Variants in PLOD2 observed in about 807,000 individuals in gnomAD.
PLOD2 encodes lysine hydroxylase 2.
Under a neutral mutation model 101.0 loss-of-function variants are expected in PLOD2, and 65 were observed. That is an observed-to-expected ratio of 0.64 (90% CI 0.53 to 0.79). The LOEUF (loss-of-function observed/expected upper bound fraction) is 0.79, where lower values mean the gene tolerates loss of function less well. PLOD2 is among the 30% of genes least tolerant of loss of function. The probability of loss-of-function intolerance (pLI) is 0.00; values close to 1 mark genes in which losing one functional copy is unlikely to be tolerated. For synonymous variants in PLOD2, 314 were observed against 302.9 expected, an observed-to-expected ratio of 1.04 and a Z score of -0.38; for missense variants, 909 against 914.6, an observed-to-expected ratio of 0.99 and a Z score of 0.08.
At chr3:146,105,384 T>TATA (rs1339423110) in intron 5 of PLOD2, among the ~76,000 whole-genome samples, 2 of 152,102 alleles carry the variant, frequency 1.3e-5, no homozygotes, top group African/African-American at 4.8e-5. Context: ...ATCCACAAAT[T>TATA]GGCTATAAAG....
intron 3 of PLOD2, among the ~76,000 whole-genome samples, chr3:146,114,801 G>A (rs2108077825): frequency 6.6e-6 from 1 of 152,250 alleles, no homozygotes. Context: ...TCCACACAGG[G>A]TAGAGTCACA....
intron 1 of PLOD2, among the ~76,000 whole-genome samples, chr3:146,128,372 C>T (rs2030706633): frequency 6.6e-6 from 1 of 152,104 alleles, no homozygotes; most frequent in Admixed American, 6.6e-5. Flanking sequence ...AATGTAACCT[C>T]TATTGCCACC....
At chr3:146,077,105 G>A in intron 14 of PLOD2, 9 of 1,213,120 alleles carry the variant, frequency 7.4e-6, no homozygotes, top group Non-Finnish European at 9.3e-6. Context: ...CTAGTAGATA[G>A]CACTGACACT....
Position 146,121,262 on chromosome 3 carries a change from C to T in PLOD2, c.202-14G>A, listed in dbSNP as rs753119992. On this transcript the variant is annotated splice_polypyrimidine_tract_variant and intron_variant, in intron 2 of 19. Transcript: ENST00000282903. ...TTGACCAAGGACCTATAAACAAAATCAACATTTCATTCCTGAGCAAAACTC... is the reference window on the plus strand; with the variant it reads ...TTGACCAAGGACCTATAAACAAAATTAACATTTCATTCCTGAGCAAAACTC... 6.2e-7 allele frequency: 1 copy of T among 1,610,720 alleles called. No individual in the cohort carries two copies. The highest frequency in any genetic ancestry group is 8.5e-7 in the Non-Finnish European group (1 of 1,177,440).
At chr3:146,122,113 A>G (rs2030204593) in intron 2 of PLOD2, among the ~76,000 whole-genome samples, 1 of 152,230 alleles carries the variant, frequency 6.6e-6, no homozygotes, top group Admixed American at 6.5e-5. Flanking sequence ...AAATACCACT[A>G]GTTCTAACTT....
chr3:146,073,291 T>TC lies in PLOD2; in HGVS notation c.1738dup (p.Glu580GlyfsTer15). ...TTTGTAATCATTAATACAAACCTGT[T>TC]CAACTATATTTTCAGTGAAAATCTT... On this transcript the variant is annotated frameshift_variant, in exon 16 of 20. Coordinates refer to ENST00000282903, the MANE Select transcript of PLOD2 (RefSeq NM_182943.3). LOFTEE classifies it high-confidence loss of function. The TC allele has an allele frequency of 8.4e-7, 1 of 1,196,104 alleles. No individual in the cohort carries two copies. The highest frequency in any genetic ancestry group is 1.2e-6 in the Non-Finnish European group (1 of 824,348). 74.1% of individuals were successfully genotyped at this position (1,196,104 alleles called of 1,614,324 possible).
chr3:146,154,428 G>T (rs943606631), intron 1 of PLOD2, among the ~76,000 whole-genome samples: 2 of 149,410 alleles, frequency 1.3e-5, no homozygotes, highest in African/African-American at 4.9e-5. Context: ...AACTTGCACA[G>T]AAACTGATAC....
At chr3:146,104,978 C>T (rs1471740394) in intron 5 of PLOD2, 1 of 152,214 alleles carries the variant, frequency 6.6e-6, no homozygotes, top group East Asian at 1.9e-4. Context: ...ACTACCGTGC[C>T]TCTCTTAGCT....
chr3:146,115,225 A>C (rs1937852381), intron 3 of PLOD2, among the ~76,000 whole-genome samples: 1 of 152,140 alleles, frequency 6.6e-6, no homozygotes, highest in Admixed American at 6.5e-5. Flanking sequence ...TCATAAAAAT[A>C]TTCTCACAGA....
rs1310421713 is a variant in PLOD2 at position 146,121,021 on chromosome 3, A to G, written c.338+91T>C. On this transcript the variant is annotated intron_variant, in intron 3 of 19. Coordinates refer to ENST00000282903, the MANE Select transcript of PLOD2 (RefSeq NM_182943.3). ...CAGGCGTGAGCCACCGTGCCCAACC[A>G]TATTTTAATACATCATCTACAAATA... The G allele has an allele frequency of 7.3e-6, 8 of 1,095,240 alleles. No individual in the cohort carries two copies. In the East Asian group the frequency reaches 2.0e-4, roughly 27 times the overall value. The allele number at this position is 1,095,240 out of a possible 1,614,324, so 67.8% of individuals were successfully genotyped here.
rs1405216733 is a variant in PLOD2, at chr3:146,110,311, A to G, written c.476T>C (p.Ile159Thr). The part of the protein sequence containing the change: ...RLADKYPVVH[I>T]GKRYLNSGGF... ...TCCTGAATTCAGATAGCGTTTCCCA[A>G]TGTGCACAACAGGATACTTGTCTGC... Residue 159 changes from isoleucine to threonine, a missense_variant, in exon 4 of 20, where the codon ATT becomes ACT. Transcript: ENST00000282903. 1 of 1,613,844 alleles carries G rather than the reference A, an allele frequency of 6.2e-7. No individual in the cohort carries two copies. The highest frequency in any genetic ancestry group is 1.7e-5 in the Admixed American group (1 of 60,010).
intron 6 of PLOD2, among the ~76,000 whole-genome samples, 188 bp downstream of exon 6, chr3:146,104,091 G>A (rs1445219249): frequency 2.0e-5 from 3 of 152,142 alleles, no homozygotes. Flanking sequence ...ACTAGTCATA[G>A]GAAATGATTT....
intron 11 of PLOD2, among the ~76,000 whole-genome samples, chr3:146,083,979 ATAAT>A (rs1267132551): frequency 2.6e-5 from 4 of 151,980 alleles, no homozygotes; most frequent in South Asian, 2.1e-4. Flanking sequence ...CACTAAGAGA[ATAAT>A]TAATAAATAT....
At position 146,087,174 on chromosome 3, in the gene PLOD2, TATAA is replaced by T. The variant is rs369928551; in HGVS notation, c.1006-270_1006-267del. On this transcript the variant is annotated intron_variant, in intron 9 of 19. Transcript: ENST00000282903. Reference sequence around the variant, plus strand: ...ATATCTACTGCTAGACAAGTCTTTGTATAAATACTTAAATCTTTAATAGGTGTTT... The same window carrying T: ...ATATCTACTGCTAGACAAGTCTTTGTATACTTAAATCTTTAATAGGTGTTT... Among the ~76,000 whole-genome samples the T allele has an allele frequency of 8.5e-5, 13 of 152,118 alleles. No individual in the cohort carries two copies. In the East Asian group the frequency reaches 1.9e-3, roughly 23 times the overall value.
intron 7 of PLOD2, among the ~76,000 whole-genome samples, chr3:146,102,223 G>A (rs1447572889): frequency 6.6e-6 from 1 of 152,096 alleles, no homozygotes; most frequent in Non-Finnish European, 1.5e-5. Flanking sequence ...TATAAATTTT[G>A]CAGTCAATAA....
chr3:146,077,946 G>A, intron 13 of PLOD2, 22 bp from the exon 14 acceptor site: 1 of 1,446,020 alleles, frequency 6.9e-7, no homozygotes, highest in Non-Finnish European at 9.7e-7. Flanking sequence ...AGAAGCATTG[G>A]GTAAGTTGAC....
At chr3:146,147,588 C>T (rs1481291344) in intron 1 of PLOD2, among the ~76,000 whole-genome samples, 1 of 151,972 alleles carries the variant, frequency 6.6e-6, no homozygotes, top group African/African-American at 2.4e-5. Context: ...TTAGCAGGGT[C>T]CCTGGACTCA....
intron 1 of PLOD2, among the ~76,000 whole-genome samples, chr3:146,155,083 G>A (rs912880927): frequency 1.8e-4 from 28 of 152,058 alleles, no homozygotes; most frequent in African/African-American, 6.5e-4. Flanking sequence ...ACACAGTCGG[G>A]CAGTAATCAA....
chr3:146,123,973 T>G (rs2108097280), intron 2 of PLOD2, among the ~76,000 whole-genome samples, 165 bp downstream of exon 2: 1 of 152,184 alleles, frequency 6.6e-6, no homozygotes. Context: ...CCACCATTTC[T>G]TTGTGTTAGG....
Sources: allele counts gnomAD v4.1 joint callset (sites outside exome capture counted in the v4.1 genomes callset), GRCh38; gene constraint gnomAD v4.1.1; transcripts MANE v1.5; gene names NCBI Gene and HGNC (gene_info 2026-07-23, HGNC 2026-07-21).